The following ZNF521 variants were observed in gnomAD, a reference collection of about 807,000 sequenced individuals.
ZNF521 encodes zinc finger protein 521, also known as LYST-interacting protein 3.
In ZNF521, 14 loss-of-function variants were observed where a neutral mutation model predicts 105.5. The observed-to-expected ratio is 0.13, with a 90% confidence interval of 0.09 to 0.21. ZNF521 has a LOEUF of 0.21. ZNF521 is among the 10% of genes least tolerant of loss of function. ZNF521 has a pLI of 1.00. For missense variants in ZNF521, 1,233 were observed against 1,629.7 expected (o/e 0.76, Z 4.19); for synonymous variants, 635 against 606.0 (o/e 1.05, Z -0.70).
chr18:25,268,311 C>T (rs1378181428), intron 3 of ZNF521, among the ~76,000 whole-genome samples: 2 of 152,096 alleles, frequency 1.3e-5, no homozygotes, highest in Non-Finnish European at 1.5e-5. Context: ...TGTTTGATTG[C>T]TGTACCTGAA....
At chr18:25,314,854 T>C (rs906996059) in intron 3 of ZNF521, among the ~76,000 whole-genome samples, 11 of 152,230 alleles carry the variant, frequency 7.2e-5, no homozygotes, top group African/African-American at 2.7e-4. Flanking sequence ...ACAACAAGCA[T>C]AGAGTATTAC....
At chr18:25,189,452 C>T (rs2035781366) in intron 5 of ZNF521, among the ~76,000 whole-genome samples, 1 of 152,134 alleles carries the variant, frequency 6.6e-6, no homozygotes, top group Non-Finnish European at 1.5e-5. Flanking sequence ...AGCAATAACA[C>T]TTCATTTTAC....
At chr18:25,327,551 C>CT (rs1913293157) in intron 2 of ZNF521, 1 of 694,774 alleles carries the variant, frequency 1.4e-6, no homozygotes, top group African/African-American at 1.8e-5. Context: ...TATGTTTATA[C>CT]TTTTTAAGAA....
chr18:25,208,755 T>G (rs923940058), intron 4 of ZNF521, among the ~76,000 whole-genome samples: 1 of 152,236 alleles, frequency 6.6e-6, no homozygotes, highest in Non-Finnish European at 1.5e-5. Context: ...TAGATTAATT[T>G]GAGTTTAGTT....
At chr18:25,164,379 A>G (rs2035301212) in intron 5 of ZNF521, among the ~76,000 whole-genome samples, 1 of 152,182 alleles carries the variant, frequency 6.6e-6, no homozygotes, top group South Asian at 2.1e-4. Flanking sequence ...TCATTTTGCA[A>G]GAAGAAAGCC....
chr18:25,166,187 T>G (rs2035338112), intron 5 of ZNF521, among the ~76,000 whole-genome samples: 1 of 152,196 alleles, frequency 6.6e-6, no homozygotes, highest in Admixed American at 6.5e-5. Context: ...ACATTCAAGT[T>G]TTTCTACTCT....
intron 3 of ZNF521, among the ~76,000 whole-genome samples, chr18:25,274,347 G>T (rs1226490015): frequency 6.6e-6 from 1 of 152,166 alleles, no homozygotes; most frequent in Admixed American, 6.5e-5. Flanking sequence ...CCAGAAGGCG[G>T]TCTCTTCTAA....
At position 25,227,727 on chromosome 18, in the gene ZNF521, C is replaced by T. The variant is rs756619476; in HGVS notation, c.221-30G>A. ...AACAAGAAGCAATGACAAATTTCAT[C>T]TGACATGTTGAGATTCAAGAGTGAG... On this transcript the variant is annotated intron_variant, in intron 3 of 7. Transcript: ENST00000361524. This position sits in a 1 kb window ranked among gnomAD's most constrained non-coding sequence, Gnocchi z 5.7. 2.5e-6 allele frequency: 4 copies of T among 1,578,296 alleles called. No individual in the cohort carries two copies. Among genetic ancestry groups the T allele is most frequent in the Admixed American group, 1.7e-5 (1 of 57,898 alleles).
At chr18:25,295,885 C>T (rs949562537) in intron 3 of ZNF521, among the ~76,000 whole-genome samples, 2 of 152,140 alleles carry the variant, frequency 1.3e-5, no homozygotes, top group Non-Finnish European at 2.9e-5. Flanking sequence ...ACCATTTTCC[C>T]AAAGTGGTTC....
chr18:25,104,877 C>T (rs188367923), intron 5 of ZNF521, among the ~76,000 whole-genome samples: 145 of 152,044 alleles, frequency 9.5e-4, no homozygotes, highest in African/African-American at 3.3e-3. Context: ...TATTTTCAGC[C>T]AATTGCAATA....
chr18:25,237,971 G>GA (rs1258585193), intron 3 of ZNF521, among the ~76,000 whole-genome samples: 4 of 152,048 alleles, frequency 2.6e-5, no homozygotes, highest in Non-Finnish European at 5.9e-5. Context: ...GCCTTTAGGG[G>GA]AAAAAAAGTG....
chr18:25,168,010 T>C (rs1243909131), intron 5 of ZNF521, among the ~76,000 whole-genome samples: 3 of 152,166 alleles, frequency 2.0e-5, no homozygotes, highest in Non-Finnish European at 2.9e-5. Context: ...TTATGCGGTA[T>C]CTTTTTTGGT....
In ZNF521 at chr18:25,117,090, C is replaced by CACACACAA. The variant is rs56408075; in HGVS notation, c.3659-25010_3659-25009insTTGTGTGT. ...ACACACACACACACACACATACACACATCCTTAATTAGATTGCTTCCAGTC... is the reference window on the plus strand; with the variant it reads ...ACACACACACACACACACATACACACACACACAAATCCTTAATTAGATTGCTTCCAGTC... On this transcript the variant is annotated intron_variant, in intron 5 of 7. Coordinates refer to ENST00000361524, the MANE Select transcript of ZNF521 (RefSeq NM_015461.3). Among the ~76,000 whole-genome samples the CACACACAA allele has an allele frequency of 1.3e-3, 182 of 143,032 alleles. 2 individuals carry two copies. Among genetic ancestry groups the CACACACAA allele is most frequent in the South Asian group, 8.8e-3 (39 of 4,430 alleles). 93.8% of individuals were successfully genotyped at this position (143,032 alleles called of 152,430 possible).
rs544855611 is a variant in ZNF521, at chr18:25,103,091, A to G, written c.3659-11010T>C. Among the ~76,000 whole-genome samples, 5 of 152,194 alleles carry G rather than the reference A, an allele frequency of 3.3e-5. No individual in the cohort carries two copies. The South Asian group carries it at 1.0e-3, about 32-fold the overall frequency. ...GATGCACCTGTTGGAAGGCTGGAAAATTTGGTTATAGGAAGTTAAATTTCC... is the reference window on the plus strand; with the variant it reads ...GATGCACCTGTTGGAAGGCTGGAAAGTTTGGTTATAGGAAGTTAAATTTCC... On this transcript the variant is annotated intron_variant, in intron 5 of 7. Transcript: ENST00000361524.
chr18:25,264,849 G>A (rs905068379), intron 3 of ZNF521, among the ~76,000 whole-genome samples: 4 of 152,080 alleles, frequency 2.6e-5, no homozygotes, highest in Non-Finnish European at 5.9e-5. Context: ...AAAAGCTTCA[G>A]GAAGGAGGAG....
At chr18:25,222,208 A>G (rs1422883217) in intron 4 of ZNF521, among the ~76,000 whole-genome samples, 1 of 152,132 alleles carries the variant, frequency 6.6e-6, no homozygotes, top group African/African-American at 2.4e-5. Context: ...TAAAACTTAA[A>G]CAAGTATTTT....
intron 5 of ZNF521, among the ~76,000 whole-genome samples, chr18:25,170,876 A>T (rs920172254): frequency 2.5e-4 from 38 of 152,262 alleles, no homozygotes; most frequent in African/African-American, 7.5e-4. Flanking sequence ...TGAGTTAAAA[A>T]TTTGTTTTGT....
chr18:25,140,808 A>G (rs148307277), intron 5 of ZNF521, among the ~76,000 whole-genome samples: 1 of 152,340 alleles, frequency 6.6e-6, no homozygotes, highest in East Asian at 1.9e-4. Flanking sequence ...AAGTGCACAT[A>G]CAACTGTGAT....
At chr18:25,166,548 C>A (rs534677975) in intron 5 of ZNF521, among the ~76,000 whole-genome samples, 1 of 152,212 alleles carries the variant, frequency 6.6e-6, no homozygotes, top group African/African-American at 2.4e-5. Context: ...CACACATTAC[C>A]CACTGACGTA....
Sources: gnomAD v4.1 joint callset for allele counts (sites outside exome capture counted in the v4.1 genomes callset) on GRCh38, gnomAD v4.1.1 for gene constraint, Gnocchi (gnomAD v3.1) non-coding constraint, MANE v1.5 for transcripts, NCBI Gene and HGNC (gene_info 2026-07-23, HGNC 2026-07-21) for gene names.